The following DLGAP2 variants were observed in gnomAD, a reference collection of about 807,000 sequenced individuals.
DLGAP2 encodes disks large-associated protein 2.
A neutral mutation model predicts 100.3 loss-of-function variants in DLGAP2; 26 were observed. The ratio of observed to expected loss-of-function variants is 0.26; its 90% CI spans 0.19 to 0.36. DLGAP2 has a LOEUF of 0.36. Among genes scored for constraint, DLGAP2 ranks in the 10% least tolerant of loss-of-function variants. The pLI is 1.00. For missense variants in DLGAP2, 1,858 were observed against 1,453.2 expected (o/e 1.28, Z -4.53); for synonymous variants, 886 against 630.1 (o/e 1.41, Z -6.08).
At chr8:1,227,299 T>C (rs1367676573) in intron 2 of DLGAP2, among the ~76,000 whole-genome samples, 1 of 149,276 alleles carries the variant, frequency 6.7e-6, no homozygotes, top group African/African-American at 2.5e-5. Context: ...GCCTTTCTTT[T>C]TCTCCTTTTC....
At chr8:1,430,199 C>G (rs1482032075) in intron 3 of DLGAP2, among the ~76,000 whole-genome samples, 2 of 150,950 alleles carry the variant, frequency 1.3e-5, no homozygotes, top group African/African-American at 4.9e-5. Context: ...ATACTTTAAT[C>G]CCTATATGTC....
chr8:1,454,014 G>A (rs901959812), intron 3 of DLGAP2, among the ~76,000 whole-genome samples: 1 of 152,244 alleles, frequency 6.6e-6, no homozygotes, highest in African/African-American at 2.4e-5. Flanking sequence ...CCAGGCAGTG[G>A]GATCCGCTGA....
At chr8:842,769 A>T (rs1012145686) in intron 1 of DLGAP2, among the ~76,000 whole-genome samples, 2 of 151,984 alleles carry the variant, frequency 1.3e-5, no homozygotes, top group African/African-American at 4.8e-5. Context: ...TTCTTAATGC[A>T]TCATTTGTGA....
intron 3 of DLGAP2, among the ~76,000 whole-genome samples, chr8:1,325,173 G>A (rs1255057088): frequency 6.6e-6 from 1 of 152,182 alleles, no homozygotes. Context: ...CCCCAGAGCT[G>A]GTGTAGCGGA....
chr8:1,686,978 C>A (rs1799131971), intron 12 of DLGAP2, among the ~76,000 whole-genome samples: 2 of 152,074 alleles, frequency 1.3e-5, no homozygotes, highest in South Asian at 4.1e-4. Flanking sequence ...ATCATATGTG[C>A]CCCCAATAAT....
chr8:1,320,044 G>A (rs1221667903), intron 3 of DLGAP2, among the ~76,000 whole-genome samples: 5 of 152,108 alleles, frequency 3.3e-5, no homozygotes, highest in Admixed American at 3.3e-4. Context: ...TGCGGCCTCT[G>A]GGCCCAGGGA....
intron 2 of DLGAP2, among the ~76,000 whole-genome samples, chr8:1,215,268 A>G (rs1175114833): frequency 6.6e-6 from 1 of 152,234 alleles, no homozygotes; most frequent in African/African-American, 2.4e-5. Context: ...AAATTAAAAT[A>G]ATGTGTTACT....
At chr8:795,849 G>A (rs1585871477) in intron 1 of DLGAP2, among the ~76,000 whole-genome samples, 1 of 126,644 alleles carries the variant, frequency 7.9e-6, no homozygotes, top group African/African-American at 2.8e-5. Flanking sequence ...TCCGGTGAGA[G>A]CAGGCGTCCA....
chr8:1,092,932 T>C (rs1397733854), intron 2 of DLGAP2, among the ~76,000 whole-genome samples: 3 of 152,136 alleles, frequency 2.0e-5, no homozygotes, highest in African/African-American at 7.2e-5. Context: ...ATAGGGGTGT[T>C]TGTGGATAAA....
At chr8:800,865 G>A (rs1796136967) in intron 1 of DLGAP2, among the ~76,000 whole-genome samples, 1 of 152,148 alleles carries the variant, frequency 6.6e-6, no homozygotes, top group Admixed American at 6.6e-5. Context: ...CCAAGGCCGG[G>A]TCTGTACTTC....
At chr8:941,423 C>G (rs149020012) in intron 2 of DLGAP2, among the ~76,000 whole-genome samples, 37 of 152,182 alleles carry the variant, frequency 2.4e-4, no homozygotes, top group African/African-American at 8.9e-4. Context: ...GTCTGTGTTA[C>G]TCACTCGAGA....
Position 950,270 on chromosome 8 carries a change from C to G in DLGAP2, c.73+42304C>G, listed in dbSNP as rs557950707. ...AAAATCATGAGGAAATACAGCATGG[C>G]CCATTTTGCTTTATTTGATGATTGT... On this transcript the variant is annotated intron_variant, in intron 2 of 14. Coordinates refer to ENST00000637795, the MANE Select transcript of DLGAP2 (RefSeq NM_001346810.2). 3.3e-5 allele frequency among the ~76,000 whole-genome samples: 5 copies of G among 152,214 alleles called. No homozygotes were observed. In the East Asian group the frequency reaches 9.7e-4, roughly 29 times the overall value.
intron 2 of DLGAP2, among the ~76,000 whole-genome samples, chr8:1,218,385 G>C (rs1798252992): frequency 6.6e-6 from 1 of 152,172 alleles, no homozygotes; most frequent in African/African-American, 2.4e-5. Context: ...CTTTGTCAAA[G>C]ATCAGTTGGT....
intron 2 of DLGAP2, among the ~76,000 whole-genome samples, chr8:1,188,592 C>G (rs1260897184): frequency 1.3e-5 from 2 of 152,006 alleles, no homozygotes; most frequent in African/African-American, 4.8e-5. Context: ...ATCTCACACA[C>G]CCGGGACGTC....
Position 1,598,708 on chromosome 8 carries a change from A to G in DLGAP2, c.1443-28032A>G, listed in dbSNP as rs187829143. 5.9e-4 allele frequency among the ~76,000 whole-genome samples: 89 copies of G among 151,980 alleles called. 1 individual carries two copies. Among genetic ancestry groups the G allele is most frequent in the African/African-American group, 2.0e-3 (84 of 41,432 alleles). ...TTGTATTTCTGTGGGATCAGTGGTG[A>G]TCTCCCCTTTATCATTTTTTATTGT... On this transcript the variant is annotated intron_variant, in intron 6 of 14. Transcript: ENST00000637795.
At position 1,037,341 on chromosome 8, in the gene DLGAP2, G is replaced by A. The variant is rs956569509; in HGVS notation, c.73+129375G>A. Among the ~76,000 whole-genome samples, 12 of 152,050 alleles carry A rather than the reference G, an allele frequency of 7.9e-5. No individual in the cohort carries two copies. In the East Asian group the frequency reaches 1.2e-3, roughly 15 times the overall value. ...ACACCTTTTATCTCAAGCTCTTCCC[G>A]CCCCTTCAGTAGAATCTGCTGTTCC... is the stretch of plus-strand genomic sequence containing the variant. On this transcript the variant is annotated intron_variant, in intron 2 of 14. Transcript: ENST00000637795.
chr8:971,304 A>T (rs1800008278), intron 2 of DLGAP2, among the ~76,000 whole-genome samples: 1 of 152,232 alleles, frequency 6.6e-6, no homozygotes, highest in African/African-American at 2.4e-5. Context: ...GCTCTGACAC[A>T]TAAGGGCATT....
intron 3 of DLGAP2, among the ~76,000 whole-genome samples, chr8:1,462,440 CT>C (rs1291466017): frequency 1.1e-5 from 1 of 93,878 alleles, no homozygotes; most frequent in Non-Finnish European, 2.1e-5. Context: ...GGTGCAGTCG[CT>C]GATTTGGTGG....
rs531518708 is a variant in DLGAP2 at position 874,548 on chromosome 8, C to T, written c.19-33364C>T. Among the ~76,000 whole-genome samples the T allele has an allele frequency of 2.4e-3, 369 of 152,184 alleles. 1 individual carries two copies. The highest frequency in any genetic ancestry group is 8.5e-3 in the African/African-American group (354 of 41,526). ...CTGTTGTTGATTTCTAATTTGATTC[C>T]ATTGTGATTAGAGAAAACAATTTGT... On this transcript the variant is annotated intron_variant, in intron 1 of 14. Coordinates refer to ENST00000637795, the MANE Select transcript of DLGAP2 (RefSeq NM_001346810.2).
Sources: gnomAD v4.1 joint callset for allele counts (sites outside exome capture counted in the v4.1 genomes callset) on GRCh38, gnomAD v4.1.1 for gene constraint, MANE v1.5 for transcripts, NCBI Gene and HGNC (gene_info 2026-07-23, HGNC 2026-07-21) for gene names.